The following KIAA1549 variants were observed in gnomAD, a reference collection of about 807,000 sequenced individuals.
KIAA1549 encodes UPF0606 protein KIAA1549.
KIAA1549 carries 70 observed loss-of-function variants against 156.4 expected under a neutral mutation model. The ratio of observed to expected loss-of-function variants is 0.45; its 90% CI spans 0.37 to 0.55. KIAA1549 has a LOEUF of 0.55. KIAA1549 is among the 20% of genes least tolerant of loss of function. The pLI is 0.00. For synonymous variants in KIAA1549, 1,103 were observed against 1,066.4 expected, an observed-to-expected ratio of 1.03 and a Z score of -0.67; for missense variants, 2,428 against 2,540.9, an observed-to-expected ratio of 0.96 and a Z score of 0.96.
At chr7:138,908,264 G>T (rs1292836859) in intron 5 of KIAA1549, among the ~76,000 whole-genome samples, 49 of 152,118 alleles carry the variant, frequency 3.2e-4, no homozygotes, top group Admixed American at 9.8e-4. Context: ...AACAGAAGAC[G>T]CATTTTAACA....
chr7:138,907,953 TG>T (rs1254331890), intron 5 of KIAA1549, among the ~76,000 whole-genome samples: 1 of 151,482 alleles, frequency 6.6e-6, no homozygotes, highest in Non-Finnish European at 1.5e-5. Context: ...GGAAGGAGGG[TG>T]TTCCCTGTCT....
intron 2 of KIAA1549, among the ~76,000 whole-genome samples, chr7:138,913,439 G>A (rs909836532): frequency 6.6e-6 from 1 of 152,098 alleles, no homozygotes; most frequent in African/African-American, 2.4e-5. Flanking sequence ...TAATAAGTAA[G>A]CCTGTCTCTC....
intron 10 of KIAA1549, among the ~76,000 whole-genome samples, chr7:138,887,728 A>G (rs1169723474): frequency 6.6e-6 from 1 of 152,240 alleles, no homozygotes; most frequent in African/African-American, 2.4e-5. Flanking sequence ...GTCTTGGTCA[A>G]TCAAGGCACA....
In KIAA1549 at chr7:138,836,120, C is replaced by T. The variant is rs1250331848; in HGVS notation, c.*1786G>A. 7.0e-5 allele frequency: 15 copies of T among 213,500 alleles called. No homozygotes were observed. In the East Asian group the frequency reaches 9.8e-4, roughly 14 times the overall value. The allele number at this position is 213,500 out of a possible 1,614,324, so 13.2% of individuals were successfully genotyped here. A position where few individuals can be genotyped will look rare whatever the true frequency, so the allele number is the denominator to read the frequency against. ...CACAGATACACAGGTTTTGATCAGT[C>T]AGAGCCCCAAATTCTATAGCCCCTT... On this transcript the variant is annotated 3_prime_UTR_variant, in exon 20 of 20. Transcript: ENST00000422774.
intron 16 of KIAA1549, among the ~76,000 whole-genome samples, chr7:138,858,152 A>C (rs1810448401): frequency 6.7e-6 from 1 of 150,156 alleles, no homozygotes; most frequent in Admixed American, 6.6e-5. Flanking sequence ...ACAGAGTCTC[A>C]CTCTTTTGCC....
At position 138,861,257 on chromosome 7, in the gene KIAA1549, A is replaced by G; in HGVS notation, c.5129T>C (p.Val1710Ala). 6.2e-7 allele frequency: 1 copy of G among 1,609,814 alleles called. No homozygotes were observed. The highest frequency in any genetic ancestry group is 8.5e-7 in the Non-Finnish European group (1 of 1,178,872). The change falls in exon 16 of 20, where the codon GTA becomes GCA. Residue 1710 changes from valine to alanine, a missense_variant. Transcript: ENST00000422774. ...PSSQPASTAG[V>A]GPGVPPGLPA... The stretch of plus-strand genomic sequence containing the variant: ...CAGGCCGGGTGGGACTCCGGGGCCT[A>G]CACCTGCGGTGCTGGCAGGCTGGCT...
chr7:138,934,946 T>C (rs140591340), intron 1 of KIAA1549, among the ~76,000 whole-genome samples: 1 of 152,316 alleles, frequency 6.6e-6, no homozygotes, highest in Admixed American at 6.5e-5. Flanking sequence ...CAGAGAGGGA[T>C]AATGGGGCCA....
At chr7:138,925,555 C>T (rs1457553538) in intron 1 of KIAA1549, among the ~76,000 whole-genome samples, 1 of 152,050 alleles carries the variant, frequency 6.6e-6, no homozygotes, top group Non-Finnish European at 1.5e-5. Context: ...GCTAGTGGCT[C>T]ACCGCTATAA....
intron 1 of KIAA1549, among the ~76,000 whole-genome samples, chr7:138,939,457 TAAAG>T (rs1182707966): frequency 6.6e-6 from 1 of 152,208 alleles, no homozygotes; most frequent in East Asian, 1.9e-4. Context: ...ATTTACTTGT[TAAAG>T]AAAGGTCATT....
chr7:138,888,774 T>C (rs1199511608), intron 10 of KIAA1549, among the ~76,000 whole-genome samples: 1 of 152,254 alleles, frequency 6.6e-6, no homozygotes, highest in Non-Finnish European at 1.5e-5. Flanking sequence ...CATGCGGTCC[T>C]AATTTATGAA....
At chr7:138,966,635 T>G (rs376450550) in intron 1 of KIAA1549, among the ~76,000 whole-genome samples, 2 of 151,934 alleles carry the variant, frequency 1.3e-5, no homozygotes, top group African/African-American at 4.8e-5. Context: ...CTAGCCATGC[T>G]GGCAGCTGAT....
chr7:138,940,115 T>C, intron 1 of KIAA1549, among the ~76,000 whole-genome samples: 1 of 152,230 alleles, frequency 6.6e-6, no homozygotes, highest in East Asian at 1.9e-4. Context: ...GCTGCACCCA[T>C]TAACTCGTCA....
rs1584753345 is a variant in KIAA1549 at position 138,916,813 on chromosome 7, A to G, written c.2813T>C (p.Leu938Pro). ...AACATATGGCGGCTTGGCAGTAGCCAGTGTTGGTGTGTCGACTGTTGCTTC... is the reference window on the plus strand; with the variant it reads ...AACATATGGCGGCTTGGCAGTAGCCGGTGTTGGTGTGTCGACTGTTGCTTC... ...TLEATVDTPTLATAKPPYVCD... is the reference protein window; with the variant it reads ...TLEATVDTPTPATAKPPYVCD... The change falls in exon 2 of 20, where the codon CTG becomes CCG. Residue 938 changes from leucine to proline, a missense_variant. Leu to Pro is a moderately conservative substitution (Grantham distance 98). Around this residue, in one of 5 missense-constraint regions of KIAA1549, gnomAD observed 762 missense variants for 901.6 expected, o/e 0.85. Transcript: ENST00000422774. 6.2e-7 allele frequency: 1 copy of G among 1,613,936 alleles called. No homozygotes were observed.
At chr7:138,946,255 A>G (rs774203053) in intron 1 of KIAA1549, among the ~76,000 whole-genome samples, 6 of 152,146 alleles carry the variant, frequency 3.9e-5, no homozygotes, top group Non-Finnish European at 8.8e-5. Flanking sequence ...TCTTTAAAAC[A>G]TTGTTTTCTG....
chr7:138,909,582 CTT>C (rs1413021458), intron 4 of KIAA1549, among the ~76,000 whole-genome samples: 1 of 152,156 alleles, frequency 6.6e-6, no homozygotes, highest in Non-Finnish European at 1.5e-5. Flanking sequence ...TATATGTAGA[CTT>C]AGTACTCTCT....
At chr7:138,878,313 G>A (rs1811143958) in intron 12 of KIAA1549, among the ~76,000 whole-genome samples, 1 of 152,128 alleles carries the variant, frequency 6.6e-6, no homozygotes, top group African/African-American at 2.4e-5. Flanking sequence ...CTCAAAGGCT[G>A]AGCCACCCGC....
chr7:138,887,695 T>TA (rs1354450062), intron 10 of KIAA1549, among the ~76,000 whole-genome samples: 1 of 152,156 alleles, frequency 6.6e-6, no homozygotes, highest in African/African-American at 2.4e-5. Context: ...GAACATCAAA[T>TA]AAAATCACAA....
At chr7:138,864,740 T>C (rs569260766) in intron 15 of KIAA1549, among the ~76,000 whole-genome samples, 2 of 152,298 alleles carry the variant, frequency 1.3e-5, no homozygotes, top group South Asian at 2.1e-4. Flanking sequence ...TCATTATTAA[T>C]AGAACACCCC....
chr7:138,894,551 T>A, intron 9 of KIAA1549, 25 bp from the exon 10 acceptor site: 1 of 1,611,632 alleles, frequency 6.2e-7, no homozygotes, highest in Non-Finnish European at 8.5e-7. Context: ...GAAAGGTCTT[T>A]CAATAATTCC....
Sources: gnomAD v4.1 joint callset for allele counts (sites outside exome capture counted in the v4.1 genomes callset) on GRCh38, gnomAD v4.1.1 for gene constraint, gnomAD v4.1.1 regional missense constraint, MANE v1.5 for transcripts, NCBI Gene and HGNC (gene_info 2026-07-23, HGNC 2026-07-21) for gene names.